The following SPAG9 variants were observed in gnomAD, a reference collection of about 807,000 sequenced individuals.
The protein encoded by SPAG9 is sperm associated antigen 9, also known as C-Jun-amino-terminal kinase-interacting protein 4.
A neutral mutation model predicts 166.5 loss-of-function variants in SPAG9; 35 were observed. The observed-to-expected ratio is 0.21, with a 90% confidence interval of 0.16 to 0.28. SPAG9 has a LOEUF of 0.28. SPAG9 is among the 10% of genes least tolerant of loss of function. The pLI is 1.00. For missense variants in SPAG9, 1,235 were observed against 1,603.3 expected, an observed-to-expected ratio of 0.77 and a Z score of 3.92; for synonymous variants, 534 against 565.5, an observed-to-expected ratio of 0.94 and a Z score of 0.79.
chr17:51,094,096 C>T (rs1206094129), intron 1 of SPAG9, among the ~76,000 whole-genome samples: 1 of 152,122 alleles, frequency 6.6e-6, no homozygotes. Flanking sequence ...CCTACCACTC[C>T]ACCAGCCACA....
At chr17:51,041,043 T>C (rs1460723487) in intron 5 of SPAG9, among the ~76,000 whole-genome samples, 2 of 152,220 alleles carry the variant, frequency 1.3e-5, no homozygotes, top group Non-Finnish European at 2.9e-5. Context: ...CTAAACATAA[T>C]GCATTTTTGT....
At chr17:50,995,576 G>T in intron 16 of SPAG9, 43 bp from the exon 17 acceptor site, 1 of 1,201,448 alleles carries the variant, frequency 8.3e-7, no homozygotes, top group Non-Finnish European at 1.2e-6. Context: ...ACATTAGTAA[G>T]CCTCATCAAA....
chr17:50,972,957 C>T (rs771103595), intron 28 of SPAG9, among the ~76,000 whole-genome samples: 1 of 152,192 alleles, frequency 6.6e-6, no homozygotes, highest in Non-Finnish European at 1.5e-5. Context: ...AATCCTTACA[C>T]ATGCACACAA....
Position 50,995,198 on chromosome 17 carries a change from T to A in SPAG9, c.2085A>T (p.Leu695Phe), listed in dbSNP as rs773061175. The A allele has an allele frequency of 1.9e-6, 3 of 1,614,068 alleles. No homozygotes were observed. Among genetic ancestry groups the A allele is most frequent in the East Asian group, 2.2e-5 (1 of 44,878 alleles). ...MKLWCAVGVNLSGGKTRDGGS... is the reference protein window; with the variant it reads ...MKLWCAVGVNFSGGKTRDGGS... ...CACCATCTCTGGTCTTCCCACCAGATAAATTGACTCCAACAGCACACCACA... is the reference window on the plus strand; with the variant it reads ...CACCATCTCTGGTCTTCCCACCAGAAAAATTGACTCCAACAGCACACCACA... Residue 695 changes from leucine (L) to phenylalanine (F), a missense_variant, in exon 18 of 30, where the codon TTA becomes TTT. Transcript: ENST00000262013.
In SPAG9 at chr17:51,120,790, G is replaced by A. The variant is rs2049457156; in HGVS notation, c.-134C>T. 1.6e-6 allele frequency: 1 copy of A among 636,878 alleles called. No homozygotes were observed. Among genetic ancestry groups the A allele is most frequent in the Non-Finnish European group, 2.4e-6 (1 of 422,444 alleles). The allele number at this position is 636,878 out of a possible 1,614,324, so 39.5% of individuals were successfully genotyped here. A position where few individuals can be genotyped will look rare whatever the true frequency, so the allele number is the denominator to read the frequency against. On this transcript the variant is annotated 5_prime_UTR_variant, in exon 1 of 30. Coordinates refer to ENST00000262013, the MANE Select transcript of SPAG9 (RefSeq NM_001130528.3). This position sits in a 1 kb window ranked among gnomAD's most constrained non-coding sequence, Gnocchi z 4.7. Reference sequence around the variant, plus strand: ...CCGGGCCGGGGCTGGGGCTGGGCCCGGCGGGGTGGGGGCCGGGGCCGGAGG... The same window carrying A: ...CCGGGCCGGGGCTGGGGCTGGGCCCAGCGGGGTGGGGGCCGGGGCCGGAGG...
At position 51,120,287 on chromosome 17, in the gene SPAG9, G is replaced by A; in HGVS notation, c.303+67C>T. The A allele has an allele frequency of 1.7e-6, 2 of 1,211,440 alleles. No individual in the cohort carries two copies. The highest frequency in any genetic ancestry group is 2.1e-6 in the Non-Finnish European group (2 of 967,900). 75.0% of individuals were successfully genotyped at this position (1,211,440 alleles called of 1,614,324 possible). A position where few individuals can be genotyped will look rare whatever the true frequency, so the allele number is the denominator to read the frequency against. On this transcript the variant is annotated intron_variant, in intron 1 of 29. Transcript: ENST00000262013. This position sits in a 1 kb window ranked among gnomAD's most constrained non-coding sequence, Gnocchi z 4.7. ...CGTCGCGCCTCTAGTCCCCGACCGG[G>A]CCGCGACCCCGCCCCGGCCGCCCCC...
rs1415207366 is a variant in SPAG9 at position 50,984,980 on chromosome 17, C to T, written c.3031G>A (p.Gly1011Arg). 6.2e-7 allele frequency: 1 copy of T among 1,614,022 alleles called. No homozygotes were observed. The highest frequency in any genetic ancestry group is 8.5e-7 in the Non-Finnish European group (1 of 1,180,004). The change falls in exon 24 of 30, where the codon GGA becomes AGA. Residue 1011 changes from glycine to arginine, a missense_variant. Gly to Arg is a moderately radical substitution (Grantham distance 125). This residue lies in a region of SPAG9 where 493 missense variants were observed against 559.4 expected (regional missense o/e 0.88). Transcript: ENST00000262013. The part of the protein sequence containing the change: ...DSILSIVHVK[G>R]IVLVALADGT... ...TCAGCCAGGGCTACTAACACGATTC[C>T]CTTCACGTGTCTGCAAACAGGAAAG...
intron 29 of SPAG9, 104 bp downstream of exon 29, chr17:50,970,603 G>A: frequency 2.2e-6 from 2 of 922,576 alleles, no homozygotes; most frequent in Non-Finnish European, 3.1e-6. Context: ...AGCTCAAAGA[G>A]AACCTCTTAT....
rs2047379688 is a variant in SPAG9 at position 51,057,007 on chromosome 17, T to C, written c.425-525A>G. ...GCTCACAGAGTACAACTTCAGGATA[T>C]TTAAAAAAAAAAAGTTTTATTAATA... On this transcript the variant is annotated intron_variant, in intron 2 of 29. Transcript: ENST00000262013. Among the ~76,000 whole-genome samples the C allele has an allele frequency of 2.0e-5, 3 of 151,630 alleles. No homozygotes were observed. In the South Asian group the frequency reaches 6.2e-4, roughly 31 times the overall value.
At chr17:51,059,460 AAT>A (rs1034172795) in intron 2 of SPAG9, among the ~76,000 whole-genome samples, 1 of 152,094 alleles carries the variant, frequency 6.6e-6, no homozygotes, top group Non-Finnish European at 1.5e-5. Context: ...AATGTTACCG[AAT>A]AGACTGGATA....
intron 10 of SPAG9, 69 bp downstream of exon 10, chr17:51,007,200 G>A: frequency 9.2e-6 from 8 of 868,900 alleles, no homozygotes; most frequent in Admixed American, 4.4e-5. Context: ...ATGTTAAAAC[G>A]ATGAAGTGTC....
chr17:50,972,948 A>G (rs1242317353), intron 28 of SPAG9, among the ~76,000 whole-genome samples: 1 of 152,202 alleles, frequency 6.6e-6, no homozygotes, highest in Non-Finnish European at 1.5e-5. Flanking sequence ...CCAACAAAAA[A>G]TCCTTACACA....
intron 5 of SPAG9, chr17:51,031,930 ACCACT>A (rs1350942126): frequency 3.0e-6 from 2 of 669,726 alleles, no homozygotes; most frequent in Non-Finnish European, 5.5e-6. Flanking sequence ...TTCAGAAGCC[ACCACT>A]TGGATCAGTG....
intron 7 of SPAG9, among the ~76,000 whole-genome samples, 175 bp downstream of exon 7, chr17:51,020,983 T>C (rs1361770026): frequency 6.6e-6 from 1 of 152,188 alleles, no homozygotes; most frequent in Non-Finnish European, 1.5e-5. Context: ...CTATCATTTT[T>C]TTTTCAAATA....
intron 9 of SPAG9, among the ~76,000 whole-genome samples, chr17:51,012,309 T>C (rs777624184): frequency 2.6e-5 from 4 of 152,148 alleles, no homozygotes; most frequent in African/African-American, 4.8e-5. Flanking sequence ...TGGTGGCTCA[T>C]GCCTGTAATC....
Position 51,106,102 on chromosome 17 carries a change from T to TACACACACACACACACAC in SPAG9, c.303+14234_303+14251dup, listed in dbSNP as rs71149344. ...GGCAACACAGCAAGACCCCCATCTC[T>TACACACACACACACACAC]ACACACACACACACACACACACACA... On this transcript the variant is annotated intron_variant, in intron 1 of 29. Transcript: ENST00000262013. 1.7e-3 allele frequency among the ~76,000 whole-genome samples: 186 copies of TACACACACACACACACAC among 110,652 alleles called. 4 individuals are homozygous for TACACACACACACACACAC. Among genetic ancestry groups the TACACACACACACACACAC allele is most frequent in the Middle Eastern group, 4.7e-3 (1 of 214 alleles). The allele number at this position is 110,652 out of a possible 152,430, so 72.6% of individuals were successfully genotyped here. A position where few individuals can be genotyped will look rare whatever the true frequency, so the allele number is the denominator to read the frequency against.
At chr17:50,975,210 TA>T in intron 27 of SPAG9, 2 of 338,142 alleles carry the variant, frequency 5.9e-6, no homozygotes, top group Non-Finnish European at 1.1e-5. Context: ...TCTATTCATT[TA>T]AAAAATAATT....
intron 9 of SPAG9, among the ~76,000 whole-genome samples, chr17:51,010,568 GAAA>G (rs3075109): frequency 0.22 from 27,052 of 124,618 alleles, 3,023 homozygotes; most frequent in Non-Finnish European, 0.28. Context: ...GGCAAGAAAA[GAAA>G]AAAAAAAAAA....
chr17:51,064,683 C>T (rs1390921775), intron 2 of SPAG9, among the ~76,000 whole-genome samples: 1 of 151,974 alleles, frequency 6.6e-6, no homozygotes, highest in African/African-American at 2.4e-5. Flanking sequence ...TTTTCAGGGA[C>T]AAGGGGAAGC....
Sources: gnomAD v4.1 joint callset for allele counts (sites outside exome capture counted in the v4.1 genomes callset) on GRCh38, gnomAD v4.1.1 for gene constraint, gnomAD v4.1.1 regional missense constraint, Gnocchi (gnomAD v3.1) non-coding constraint, MANE v1.5 for transcripts, NCBI Gene and HGNC (gene_info 2026-07-23, HGNC 2026-07-21) for gene names.